The following CADPS variants were observed in gnomAD, a reference collection of about 807,000 sequenced individuals.
CADPS encodes calcium dependent secretion activator, also known as calcium-dependent secretion activator 1.
In CADPS, 57 loss-of-function variants were observed where a neutral mutation model predicts 167.3. That is an observed-to-expected ratio of 0.34 (90% CI 0.28 to 0.42). The LOEUF (loss-of-function observed/expected upper bound fraction) is 0.42. Ranked by LOEUF, CADPS falls within the 20% of genes least tolerant of loss-of-function variation. CADPS has a pLI of 1.00. For synonymous variants in CADPS, 676 were observed against 635.3 expected (o/e 1.06, Z -0.96); for missense variants, 1,414 against 1,738.1 (o/e 0.81, Z 3.32).
At chr3:62,825,879 C>T (rs893469085) in intron 1 of CADPS, among the ~76,000 whole-genome samples, 1 of 152,128 alleles carries the variant, frequency 6.6e-6, no homozygotes, top group Non-Finnish European at 1.5e-5. Context: ...CATTCTGAGA[C>T]ACGGAATCAC....
rs55665003 is a variant in CADPS, at chr3:62,648,691, C to CA, written c.1203+2155dup. Among the ~76,000 whole-genome samples, 40 of 54,552 alleles carry CA rather than the reference C, an allele frequency of 7.3e-4. 4 individuals carry two copies. The highest frequency in any genetic ancestry group is 0.019 in the Middle Eastern group (1 of 52). 35.8% of individuals were successfully genotyped at this position (54,552 alleles called of 152,430 possible). A position where few individuals can be genotyped will look rare whatever the true frequency, so the allele number is the denominator to read the frequency against. On this transcript the variant is annotated intron_variant, in intron 5 of 29. Transcript: ENST00000383710. ...TGGGCAACAGAGTGAGACGTTGTGTCAAAAAAAAAAAAAAGAGGAAAGAAA... is the reference window on the plus strand; with the variant it reads ...TGGGCAACAGAGTGAGACGTTGTGTCAAAAAAAAAAAAAAAGAGGAAAGAAA...
At position 62,865,879 on chromosome 3, in the gene CADPS, A is replaced by G. The variant is rs536465419; in HGVS notation, c.441+8710T>C. On this transcript the variant is annotated intron_variant, in intron 1 of 29. Transcript: ENST00000383710. ...AAATCCTGTAAGAGAATAAAAGTAG[A>G]GAAAATGAGCACATTTATTTATGCC... Among the ~76,000 whole-genome samples, 11 of 152,250 alleles carry G rather than the reference A, an allele frequency of 7.2e-5. 1 individual carries two copies. The South Asian group carries it at 2.1e-3, about 29-fold the overall frequency.
At chr3:62,662,691 T>G (rs746629638) in intron 3 of CADPS, among the ~76,000 whole-genome samples, 7 of 152,162 alleles carry the variant, frequency 4.6e-5, no homozygotes, top group Non-Finnish European at 1.0e-4. Context: ...GCACACTTCT[T>G]TTTGGCCCAG....
intron 6 of CADPS, among the ~76,000 whole-genome samples, chr3:62,620,097 A>AGTTAAATG (rs2062936606): frequency 6.6e-6 from 1 of 151,962 alleles, no homozygotes. Flanking sequence ...AACTCTTGGG[A>AGTTAAATG]AACAGGGATC....
chr3:62,476,141 T>C (rs1363085362), intron 23 of CADPS, among the ~76,000 whole-genome samples: 1 of 152,200 alleles, frequency 6.6e-6, no homozygotes, highest in Non-Finnish European at 1.5e-5. Flanking sequence ...GTCAAATTGA[T>C]GAATTAAATT....
At chr3:62,597,500 T>A (rs566777675) in intron 6 of CADPS, among the ~76,000 whole-genome samples, 1 of 152,312 alleles carries the variant, frequency 6.6e-6, no homozygotes, top group Admixed American at 6.5e-5. Context: ...GAGCCCAGTG[T>A]CCTGGAGATA....
At chr3:62,809,489 CTCATTCCTCTTATCTCATG>C (rs1219213758) in intron 1 of CADPS, among the ~76,000 whole-genome samples, 1 of 152,176 alleles carries the variant, frequency 6.6e-6, no homozygotes, top group South Asian at 2.1e-4. Context: ...GCCAGGAATA[CTCATTCCTCTTATCTCATG>C]TGACTGTTTC....
chr3:62,770,705 C>T (rs1230423887), intron 1 of CADPS, among the ~76,000 whole-genome samples: 1 of 152,186 alleles, frequency 6.6e-6, no homozygotes, highest in African/African-American at 2.4e-5. Context: ...GGATTATAAG[C>T]GTGAGCCGTC....
chr3:62,630,399 G>A (rs1255393254), intron 6 of CADPS, among the ~76,000 whole-genome samples: 1 of 152,144 alleles, frequency 6.6e-6, no homozygotes, highest in Non-Finnish European at 1.5e-5. Context: ...GGAGTGCAGT[G>A]GTGAGATCTC....
intron 3 of CADPS, among the ~76,000 whole-genome samples, chr3:62,720,341 G>T (rs475249): frequency 0.75 from 109,179 of 146,330 alleles, 41,675 homozygotes; most frequent in East Asian, 0.89. Context: ...TTGTTTGTTT[G>T]TTTTTTTTTG....
At chr3:62,504,608 T>C (rs1218716243) in intron 17 of CADPS, among the ~76,000 whole-genome samples, 2 of 152,204 alleles carry the variant, frequency 1.3e-5, no homozygotes, top group African/African-American at 4.8e-5. Flanking sequence ...CTGCCAACTG[T>C]CTGTCCAGAA....
At chr3:62,418,327 T>C (rs1376009933) in intron 28 of CADPS, among the ~76,000 whole-genome samples, 2 of 143,142 alleles carry the variant, frequency 1.4e-5, no homozygotes, top group East Asian at 4.0e-4. Context: ...TTTCTCTCTT[T>C]TTTTTTTTTT....
intron 18 of CADPS, 89 bp downstream of exon 18, chr3:62,499,073 G>T: frequency 4.2e-6 from 3 of 718,620 alleles, no homozygotes; most frequent in South Asian, 3.8e-5. Context: ...TGGGTGTTAA[G>T]GCATCTTATT....
intron 1 of CADPS, among the ~76,000 whole-genome samples, chr3:62,852,423 C>T (rs6776902): frequency 0.015 from 2,321 of 152,156 alleles, 58 homozygotes; most frequent in African/African-American, 0.052. Context: ...CTTGGCTCCT[C>T]CCCCATCAGC....
rs1395275976 is a variant in CADPS at position 62,602,081 on chromosome 3, C to T, written c.1326-9333G>A. Among the ~76,000 whole-genome samples, 1 of 152,078 alleles carries T rather than the reference C, an allele frequency of 6.6e-6. No individual in the cohort carries two copies. Among genetic ancestry groups the T allele is most frequent in the Non-Finnish European group, 1.5e-5 (1 of 68,022 alleles). On this transcript the variant is annotated intron_variant, in intron 6 of 29. Transcript: ENST00000383710. This position sits in a 1 kb window ranked among gnomAD's most constrained non-coding sequence, Gnocchi z 4.4. ...TAATTTTCATTAGAATTTTTCCCCC[C>T]ATGAACAAAAAACAACATTTGCCAC...
chr3:62,668,160 G>A (rs1379973077), intron 3 of CADPS, among the ~76,000 whole-genome samples: 3 of 152,206 alleles, frequency 2.0e-5, no homozygotes, highest in Non-Finnish European at 4.4e-5. Flanking sequence ...CACAGAAAAT[G>A]TAAACAGAAA....
At chr3:62,779,351 C>A in intron 1 of CADPS, 1 of 420,404 alleles carries the variant, frequency 2.4e-6, no homozygotes, top group Non-Finnish European at 4.7e-6. Context: ...TTAGCAGCAG[C>A]ACTCTTAATA....
Position 62,503,935 on chromosome 3 carries a change from A to G in CADPS, c.2600-4667T>C, listed in dbSNP as rs138747689. Among the ~76,000 whole-genome samples the G allele has an allele frequency of 6.9e-3, 1,046 of 152,260 alleles. 8 individuals carry two copies. The highest frequency in any genetic ancestry group is 0.014 in the Middle Eastern group (4 of 294). Reference sequence around the variant, plus strand: ...AGTTCTGGTTTATAAAGCAATCTGTATGGTGAGAGGGACATACTCCATTGC... The same window carrying G: ...AGTTCTGGTTTATAAAGCAATCTGTGTGGTGAGAGGGACATACTCCATTGC... On this transcript the variant is annotated intron_variant, in intron 17 of 29. Coordinates refer to ENST00000383710, the MANE Select transcript of CADPS (RefSeq NM_003716.4).
chr3:62,810,667 A>G (rs2094351033), intron 1 of CADPS, among the ~76,000 whole-genome samples: 1 of 152,232 alleles, frequency 6.6e-6, no homozygotes, highest in Middle Eastern at 3.2e-3. Context: ...ATGTCTTTGC[A>G]TGCTAAGTCA....
Sources: allele counts gnomAD v4.1 joint callset (sites outside exome capture counted in the v4.1 genomes callset), GRCh38; gene constraint gnomAD v4.1.1; non-coding constraint Gnocchi (gnomAD v3.1); transcripts MANE v1.5; gene names NCBI Gene and HGNC (gene_info 2026-07-23, HGNC 2026-07-21).